The following PHF21B variants were observed in gnomAD, a reference collection of about 807,000 sequenced individuals.
PHF21B encodes PHD finger protein 21B, also known as PHD finger protein 4.
A neutral mutation model predicts 62.2 loss-of-function variants in PHF21B; 22 were observed. The ratio of observed to expected loss-of-function variants is 0.35; its 90% CI spans 0.25 to 0.51. The LOEUF (loss-of-function observed/expected upper bound fraction) is 0.51, where lower values mean the gene tolerates loss of function less well. Among genes scored for constraint, PHF21B ranks in the 20% least tolerant of loss-of-function variants. PHF21B has a pLI of 0.97. For missense variants in PHF21B, 701 were observed against 707.9 expected (o/e 0.99, Z 0.11); for synonymous variants, 341 against 314.7 (o/e 1.08, Z -0.88).
intron 2 of PHF21B, among the ~76,000 whole-genome samples, chr22:45,002,486 C>G (rs984194970): frequency 2.0e-5 from 3 of 152,222 alleles, no homozygotes; most frequent in African/African-American, 7.2e-5. Flanking sequence ...GGAACCCCCA[C>G]CCTCACAGCC....
At chr22:44,896,166 T>C in intron 5 of PHF21B, 83 bp from the exon 6 acceptor site, 1 of 1,493,020 alleles carries the variant, frequency 6.7e-7, no homozygotes, top group Non-Finnish European at 9.3e-7. Context: ...CTGTGGCAGG[T>C]GCAGGGCGAT....
chr22:44,889,333 G>A (rs2070919427), intron 9 of PHF21B, among the ~76,000 whole-genome samples: 1 of 152,228 alleles, frequency 6.6e-6, no homozygotes, highest in Non-Finnish European at 1.5e-5. Context: ...GGGTGTGTGG[G>A]GTGAGTCCCT....
At chr22:44,942,787 C>T (rs1390986923) in intron 2 of PHF21B, among the ~76,000 whole-genome samples, 1 of 152,170 alleles carries the variant, frequency 6.6e-6, no homozygotes, top group African/African-American at 2.4e-5. Flanking sequence ...TAGGAGGACA[C>T]CCGGGACGGG....
intron 2 of PHF21B, among the ~76,000 whole-genome samples, chr22:44,921,068 C>T (rs1601600526): frequency 6.6e-6 from 1 of 152,238 alleles, no homozygotes; most frequent in East Asian, 1.9e-4. Flanking sequence ...TATTTTCAGG[C>T]CCTTGGTGCA....
chr22:44,967,853 G>A (rs762461763), intron 2 of PHF21B, among the ~76,000 whole-genome samples: 1 of 152,134 alleles, frequency 6.6e-6, no homozygotes, highest in Non-Finnish European at 1.5e-5. Context: ...CCTTGTTATT[G>A]ATGACCTGGA....
At chr22:44,999,207 C>G (rs1387086787) in intron 2 of PHF21B, among the ~76,000 whole-genome samples, 1 of 152,210 alleles carries the variant, frequency 6.6e-6, no homozygotes, top group Non-Finnish European at 1.5e-5. Context: ...AAAAACAACA[C>G]AGAGCAATCT....
chr22:44,882,414 G>C lies in PHF21B; in HGVS notation c.*672C>G, dbSNP rs1047829236. ...AGGCTCTGGCGGGGATCACTGCAGC[G>C]TCCCGGCGCCCAGATGCTCACCTCC... On this transcript the variant is annotated 3_prime_UTR_variant, in exon 13 of 13. Transcript: ENST00000313237. 6.5e-6 allele frequency: 1 copy of C among 152,790 alleles called. No individual in the cohort carries two copies. The highest frequency in any genetic ancestry group is 2.4e-5 in the African/African-American group (1 of 41,442). 9.5% of individuals were successfully genotyped at this position (152,790 alleles called of 1,614,324 possible).
intron 2 of PHF21B, among the ~76,000 whole-genome samples, chr22:44,947,086 A>C (rs1260293937): frequency 6.6e-6 from 1 of 152,234 alleles, no homozygotes; most frequent in East Asian, 1.9e-4. Context: ...CACTGGAGTT[A>C]AGCAAGTGGT....
chr22:44,937,822 G>A (rs908726068), intron 2 of PHF21B, among the ~76,000 whole-genome samples: 2 of 152,238 alleles, frequency 1.3e-5, no homozygotes, highest in East Asian at 1.9e-4. Flanking sequence ...AACGAAGGGA[G>A]CCCACACAAA....
chr22:44,889,705 T>C, intron 9 of PHF21B, 55 bp downstream of exon 9: 3 of 1,567,028 alleles, frequency 1.9e-6, no homozygotes, highest in Non-Finnish European at 2.6e-6. Context: ...ATGAGGACTG[T>C]ACTGAAAACA....
At chr22:44,895,715 C>A (rs933287181) in intron 6 of PHF21B, among the ~76,000 whole-genome samples, 54 of 152,336 alleles carry the variant, frequency 3.5e-4, no homozygotes, top group Middle Eastern at 3.4e-3. Context: ...TCCGCTGAAA[C>A]AAGGAAGTGC....
At chr22:44,901,606 G>T in intron 5 of PHF21B, 1 of 342,412 alleles carries the variant, frequency 2.9e-6, no homozygotes, top group Non-Finnish European at 5.3e-6. Flanking sequence ...TGAGAAGTTG[G>T]ATACTGAGGA....
chr22:44,920,559 T>C (rs2071517435), intron 2 of PHF21B, 69 bp from the exon 3 acceptor site: 4 of 1,248,194 alleles, frequency 3.2e-6, no homozygotes, highest in East Asian at 5.3e-5. Context: ...GCCCCCAGCC[T>C]GGCCAAGCAG....
intron 2 of PHF21B, among the ~76,000 whole-genome samples, chr22:44,962,652 T>C (rs2072446783): frequency 1.3e-5 from 2 of 152,186 alleles, no homozygotes; most frequent in African/African-American, 4.8e-5. Context: ...CTACTGGCTG[T>C]ATTTCTCTGG....
chr22:44,893,802 G>A (rs940842715), intron 6 of PHF21B, among the ~76,000 whole-genome samples: 1 of 152,236 alleles, frequency 6.6e-6, no homozygotes, highest in Non-Finnish European at 1.5e-5. Context: ...CTCTTAGCAC[G>A]GGGTCCTCCT....
chr22:44,978,341 C>T (rs996370236), intron 2 of PHF21B, among the ~76,000 whole-genome samples: 23 of 152,080 alleles, frequency 1.5e-4, no homozygotes, highest in Non-Finnish European at 7.4e-5. Flanking sequence ...AAGGACTCTC[C>T]CTGTGATTTT....
At chr22:44,973,044 C>A (rs1212283684) in intron 2 of PHF21B, among the ~76,000 whole-genome samples, 2 of 152,222 alleles carry the variant, frequency 1.3e-5, no homozygotes, top group Admixed American at 6.5e-5. Context: ...GCTCTGATGA[C>A]CCTCAGCTTT....
rs73892227 is a variant in PHF21B, at chr22:44,993,579, G to C, written c.120+14966C>G. 5.7e-3 allele frequency among the ~76,000 whole-genome samples: 870 copies of C among 152,350 alleles called. 7 individuals carry two copies. The highest frequency in any genetic ancestry group is 0.02 in the African/African-American group (840 of 41,578). ...ACGGCAACGTGCAGTTGACACACAC[G>C]CTTCTCCGCAAGGCAGTCAATCCCC... On this transcript the variant is annotated intron_variant, in intron 2 of 12. Transcript: ENST00000313237.
At chr22:44,965,665 C>T (rs538626946) in intron 2 of PHF21B, among the ~76,000 whole-genome samples, 4 of 152,298 alleles carry the variant, frequency 2.6e-5, no homozygotes, top group South Asian at 2.1e-4. Flanking sequence ...CTGTCTCCCT[C>T]GCCCTCCAGA....
Sources: allele counts gnomAD v4.1 joint callset (sites outside exome capture counted in the v4.1 genomes callset), GRCh38; gene constraint gnomAD v4.1.1; transcripts MANE v1.5; gene names NCBI Gene and HGNC (gene_info 2026-07-23, HGNC 2026-07-21).